The following TNFRSF13B variants were observed in gnomAD, a reference collection of about 807,000 sequenced individuals.
TNFRSF13B encodes tumor necrosis factor receptor superfamily member 13B.
A neutral mutation model predicts 24.0 loss-of-function variants in TNFRSF13B; 34 were observed. That is an observed-to-expected ratio of 1.41 (90% CI 1.08 to 1.88). TNFRSF13B has a LOEUF of 1.88. TNFRSF13B is among the 40% of genes most tolerant of loss of function. The probability of loss-of-function intolerance (pLI) is 0.00; values close to 1 mark genes in which losing one functional copy is unlikely to be tolerated. For missense variants in TNFRSF13B, 415 were observed against 380.8 expected (o/e 1.09, Z -0.75); for synonymous variants, 173 against 150.3 (o/e 1.15, Z -1.10).
In TNFRSF13B at chr17:16,949,002, T is replaced by G. The variant is rs1214269863; in HGVS notation, c.200-19A>C. On this transcript the variant is annotated intron_variant, in intron 2 of 4. Transcript: ENST00000261652. Reference sequence around the variant, plus strand: ...AGTGACCCTGGGAGAGAGAAATTCATGATACTGCTGGGTGACACAGACTAG... The same window carrying G: ...AGTGACCCTGGGAGAGAGAAATTCAGGATACTGCTGGGTGACACAGACTAG... The G allele has an allele frequency of 1.2e-6, 2 of 1,613,790 alleles. No homozygotes were observed. Among genetic ancestry groups the G allele is most frequent in the Non-Finnish European group, 1.7e-6 (2 of 1,180,000 alleles).
chr17:16,952,653 C>G, intron 1 of TNFRSF13B, 70 bp from the exon 2 acceptor site: 1 of 1,608,512 alleles, frequency 6.2e-7, no homozygotes, highest in Non-Finnish European at 8.5e-7. Flanking sequence ...TGATGGGAAC[C>G]AAGACGGCCT....
intron 1 of TNFRSF13B, among the ~76,000 whole-genome samples, chr17:16,967,485 T>A (rs914953599): frequency 6.6e-6 from 1 of 151,822 alleles, no homozygotes; most frequent in Non-Finnish European, 1.5e-5. Context: ...CCGGGCGCAG[T>A]GGCTCACACC....
At chr17:16,962,276 G>A (rs35655892) in intron 1 of TNFRSF13B, among the ~76,000 whole-genome samples, 5,928 of 152,218 alleles carry the variant, frequency 0.039, 134 homozygotes, top group South Asian at 0.11. Context: ...GGAGACCAAG[G>A]CAGGTGGATC....
At chr17:16,952,178 C>G (rs1377197906) in intron 2 of TNFRSF13B, among the ~76,000 whole-genome samples, 1 of 152,116 alleles carries the variant, frequency 6.6e-6, no homozygotes, top group Non-Finnish European at 1.5e-5. Context: ...TAGGAGGGAG[C>G]TGAGGGAAGA....
At chr17:16,953,620 G>A (rs142501723) in intron 1 of TNFRSF13B, among the ~76,000 whole-genome samples, 4 of 152,264 alleles carry the variant, frequency 2.6e-5, no homozygotes, top group African/African-American at 9.6e-5. Flanking sequence ...ATCCATGTGG[G>A]CGCTCTCTGC....
intron 2 of TNFRSF13B, among the ~76,000 whole-genome samples, chr17:16,949,610 G>A (rs2087573990): frequency 6.6e-6 from 1 of 151,988 alleles, no homozygotes; most frequent in Non-Finnish European, 1.5e-5. Flanking sequence ...AGAGCACAGT[G>A]GACCCAACTT....
intron 1 of TNFRSF13B, among the ~76,000 whole-genome samples, chr17:16,954,008 G>A (rs570307833): frequency 9.9e-5 from 15 of 152,280 alleles, no homozygotes; most frequent in East Asian, 5.8e-4. Flanking sequence ...CTCGTGATCC[G>A]CCCGAGTCGG....
At chr17:16,946,591 TATTTA>T (rs1225979626) in intron 3 of TNFRSF13B, among the ~76,000 whole-genome samples, 24 of 147,950 alleles carry the variant, frequency 1.6e-4, no homozygotes, top group South Asian at 4.4e-4. Flanking sequence ...TTTATTTATT[TATTTA>T]TTTTTTTTTG....
intron 3 of TNFRSF13B, among the ~76,000 whole-genome samples, chr17:16,944,227 C>T (rs373366181): frequency 3.3e-5 from 5 of 152,310 alleles, no homozygotes; most frequent in Admixed American, 1.3e-4. Flanking sequence ...AGCCTCCCAA[C>T]GGCACAGTTC....
chr17:16,966,705 C>T (rs865970122), intron 1 of TNFRSF13B, among the ~76,000 whole-genome samples: 3 of 151,744 alleles, frequency 2.0e-5, no homozygotes, highest in Non-Finnish European at 2.9e-5. Context: ...CCCACTGACC[C>T]AGTGATTAAA....
Position 16,966,704 on chromosome 17 carries a change from C to G in TNFRSF13B, c.61+5311G>C, listed in dbSNP as rs186756993. ...ATTACTGATGGATTTACCCACTGAC[C>G]CAGTGATTAAACTTTGAAATTTATC... On this transcript the variant is annotated intron_variant, in intron 1 of 4. Coordinates refer to ENST00000261652, the MANE Select transcript of TNFRSF13B (RefSeq NM_012452.3). Among the ~76,000 whole-genome samples the G allele has an allele frequency of 3.0e-3, 456 of 151,862 alleles. 2 individuals are homozygous for G. Among genetic ancestry groups the G allele is most frequent in the African/African-American group, 0.01 (430 of 41,368 alleles).
intron 1 of TNFRSF13B, among the ~76,000 whole-genome samples, chr17:16,971,400 G>A (rs903126630): frequency 6.7e-6 from 1 of 149,714 alleles, no homozygotes; most frequent in Non-Finnish European, 1.5e-5. Context: ...GAAAGCTATA[G>A]GATAAATATA....
chr17:16,958,487 T>G (rs1249256866), intron 1 of TNFRSF13B, among the ~76,000 whole-genome samples: 1 of 151,572 alleles, frequency 6.6e-6, no homozygotes, highest in African/African-American at 2.4e-5. Context: ...AGACTTACTT[T>G]AGATTAAAAA....
In TNFRSF13B at chr17:16,940,691, C is replaced by A. The variant is rs974774057; in HGVS notation, c.446-180G>T. The A allele has an allele frequency of 1.2e-4, 179 of 1,467,086 alleles. 3 individuals are homozygous for A. The South Asian group carries it at 2.4e-3, about 20-fold the overall frequency. 90.9% of individuals were successfully genotyped at this position (1,467,086 alleles called of 1,614,324 possible). ...CTCTGGATCCTGGAGGAAGTTGATC[C>A]ACTCCCCCATCCTGGCAGCAACTTT... On this transcript the variant is annotated intron_variant, in intron 3 of 4. Coordinates refer to ENST00000261652, the MANE Select transcript of TNFRSF13B (RefSeq NM_012452.3).
chr17:16,943,899 G>GA (rs113471464), intron 3 of TNFRSF13B, among the ~76,000 whole-genome samples: 2,012 of 152,294 alleles, frequency 0.013, 46 homozygotes, highest in African/African-American at 0.046. Flanking sequence ...ACCTGCCCCG[G>GA]AGCCCGGGCA....
At chr17:16,952,610 C>A in intron 1 of TNFRSF13B, 27 bp from the exon 2 acceptor site, 1 of 1,614,108 alleles carries the variant, frequency 6.2e-7, no homozygotes, top group Non-Finnish European at 8.5e-7. Context: ...GTGAGGGCAG[C>A]TGGCAGGCGG....
chr17:16,969,437 G>A (rs1014195049), intron 1 of TNFRSF13B, among the ~76,000 whole-genome samples: 1 of 152,182 alleles, frequency 6.6e-6, no homozygotes, highest in Non-Finnish European at 1.5e-5. Context: ...TATGCCAAGT[G>A]GAAGCAGCTA....
intron 3 of TNFRSF13B, among the ~76,000 whole-genome samples, chr17:16,946,084 C>T (rs980116022): frequency 6.6e-5 from 10 of 152,204 alleles, no homozygotes; most frequent in Non-Finnish European, 1.3e-4. Flanking sequence ...CGGGAGAAAG[C>T]ACACACCTCC....
At chr17:16,947,965 T>C (rs1197355084) in intron 3 of TNFRSF13B, among the ~76,000 whole-genome samples, 1 of 152,196 alleles carries the variant, frequency 6.6e-6, no homozygotes, top group African/African-American at 2.4e-5. Flanking sequence ...CATCGATGGT[T>C]GGATAAAGAA....
Sources: gnomAD v4.1 joint callset for allele counts (sites outside exome capture counted in the v4.1 genomes callset) on GRCh38, gnomAD v4.1.1 for gene constraint, MANE v1.5 for transcripts, NCBI Gene and HGNC (gene_info 2026-07-23, HGNC 2026-07-21) for gene names.